Variants in FAM193B observed in about 807,000 individuals in gnomAD.
The protein encoded by FAM193B is protein FAM193B.
A neutral mutation model predicts 70.7 loss-of-function variants in FAM193B; 27 were observed. The ratio of observed to expected loss-of-function variants is 0.38; its 90% CI spans 0.28 to 0.53. FAM193B has a LOEUF of 0.53. FAM193B is among the 20% of genes least tolerant of loss of function. The pLI, the probability that FAM193B is intolerant of heterozygous loss-of-function variation, is 0.81. For synonymous variants in FAM193B, 448 were observed against 436.0 expected, an observed-to-expected ratio of 1.03 and a Z score of -0.34; for missense variants, 1,022 against 1,072.5, an observed-to-expected ratio of 0.95 and a Z score of 0.66.
intron 4 of FAM193B, among the ~76,000 whole-genome samples, chr5:177,534,870 G>A (rs984683450): frequency 5.3e-5 from 8 of 151,922 alleles, no homozygotes; most frequent in South Asian, 4.2e-4. Context: ...TTTCTGCCTC[G>A]GCCTCCCAAA....
chr5:177,526,388 G>C (rs1008143923), intron 5 of FAM193B, among the ~76,000 whole-genome samples: 2 of 152,178 alleles, frequency 1.3e-5, no homozygotes, highest in Non-Finnish European at 2.9e-5. Flanking sequence ...GTGGCCCTCA[G>C]GGAGCAGCTT....
At chr5:177,526,438 G>C (rs1437564626) in intron 5 of FAM193B, among the ~76,000 whole-genome samples, 1 of 152,014 alleles carries the variant, frequency 6.6e-6, no homozygotes, top group Non-Finnish European at 1.5e-5. Context: ...GCTGTGAGTA[G>C]GGCTCAGAGG....
At chr5:177,548,212 T>A (rs1047745558) in intron 1 of FAM193B, among the ~76,000 whole-genome samples, 1 of 152,228 alleles carries the variant, frequency 6.6e-6, no homozygotes, top group African/African-American at 2.4e-5. Context: ...AAAACGTATC[T>A]CTAGAATAGA....
intron 7 of FAM193B, 194 bp from the exon 8 acceptor site, chr5:177,522,265 T>G (rs1163069574): frequency 3.7e-6 from 2 of 547,338 alleles, no homozygotes; most frequent in East Asian, 6.4e-5. Context: ...CCCAGGGAAC[T>G]ATGTATGAAG....
intron 1 of FAM193B, chr5:177,553,744 T>C (rs1425055339): frequency 7.8e-7 from 1 of 1,287,750 alleles, no homozygotes; most frequent in Non-Finnish European, 1.0e-6. Flanking sequence ...ACTGCTCTGC[T>C]GGGTATGGCG....
Position 177,532,597 on chromosome 5 carries a change from G to T in FAM193B, c.1121C>A (p.Ala374Asp), listed in dbSNP as rs1763646534. ...CTCGCAGGGCTGGGGCAGCTGGCAA[G>T]CCAGGCCACTGTGTGCAAACTTGTG... The part of the protein sequence containing the change: ...KGHKFAHSGL[A>D]CQLPQPCEAD... Residue 374 changes from alanine to aspartate, a missense_variant, in exon 5 of 9, where the codon GCT becomes GAT. Coordinates refer to ENST00000514747, the MANE Select transcript of FAM193B (RefSeq NM_001190946.3). The surrounding 1 kb of genome is among the most constrained non-coding windows in gnomAD (Gnocchi z 4.9). The T allele has an allele frequency of 6.3e-7, 1 of 1,591,148 alleles. No individual in the cohort carries two copies. The highest frequency in any genetic ancestry group is 8.5e-7 in the Non-Finnish European group (1 of 1,172,756).
intron 1 of FAM193B, chr5:177,553,647 G>A (rs1178436426): frequency 1.6e-6 from 2 of 1,275,336 alleles, no homozygotes; most frequent in South Asian, 1.3e-5. Context: ...GAGCAGGGGA[G>A]GGAAGAAGGG....
At position 177,536,645 on chromosome 5, in the gene FAM193B, C is replaced by T. The variant is rs368534435; in HGVS notation, c.789G>A (p.Pro263=). 4.4e-5 allele frequency: 68 copies of T among 1,562,780 alleles called. No homozygotes were observed. The highest frequency in any genetic ancestry group is 3.6e-4 in the African/African-American group (26 of 72,720). Residue 263 remains proline, a synonymous_variant, in exon 4 of 9, where the codon CCG becomes CCA. Coordinates refer to ENST00000514747, the MANE Select transcript of FAM193B (RefSeq NM_001190946.3). Reference sequence around the variant, plus strand: ...GGGAGCCAAAGGAGCTGGGGTGAGACGGGATTAGAGATGCTGGCTGCGGGT... The same window carrying T: ...GGGAGCCAAAGGAGCTGGGGTGAGATGGGATTAGAGATGCTGGCTGCGGGT... ...GHHPQPASLI[P]SHPSSFGSPP...
At chr5:177,531,149 A>T in intron 5 of FAM193B, 2 of 985,710 alleles carry the variant, frequency 2.0e-6, no homozygotes, top group South Asian at 2.0e-5. Context: ...AAACTCATTC[A>T]GACCTTCCCA....
Position 177,525,049 on chromosome 5 carries a change from TCTC to T in FAM193B, c.1429_1431del (p.Glu477del). 1 of 1,589,580 alleles carries T rather than the reference TCTC, an allele frequency of 6.3e-7. No homozygotes were observed. The highest frequency in any genetic ancestry group is 1.1e-5 in the South Asian group (1 of 87,816). ...ATGGAGTCTTTGACAGTGTTTTTGA[TCTC>T]CTGCAGACGGCTGCTCAGGAAGCTG... On this transcript the variant is annotated inframe_deletion, in exon 6 of 9. Transcript: ENST00000514747.
At chr5:177,548,405 C>A (rs141521663) in intron 1 of FAM193B, among the ~76,000 whole-genome samples, 1 of 152,194 alleles carries the variant, frequency 6.6e-6, no homozygotes, top group Admixed American at 6.5e-5. Context: ...TGGAAGTTGG[C>A]AAATATCATT....
At chr5:177,542,838 C>T (rs892161267) in intron 1 of FAM193B, among the ~76,000 whole-genome samples, 11 of 152,220 alleles carry the variant, frequency 7.2e-5, no homozygotes, top group Non-Finnish European at 1.3e-4. Flanking sequence ...ATCCCTTCTA[C>T]AAGAGGCAGG....
chr5:177,548,432 G>A (rs1392990460), intron 1 of FAM193B, among the ~76,000 whole-genome samples: 1 of 152,160 alleles, frequency 6.6e-6, no homozygotes, highest in Non-Finnish European at 1.5e-5. Flanking sequence ...TCAGAACTGG[G>A]GGAAGGTTTT....
chr5:177,553,663 T>C (rs1321582056), intron 1 of FAM193B: 1 of 1,282,800 alleles, frequency 7.8e-7, no homozygotes, highest in Admixed American at 2.3e-5. Flanking sequence ...AAGGGCAGGT[T>C]CTGCTGGGTT....
intron 8 of FAM193B, among the ~76,000 whole-genome samples, 168 bp from the exon 9 acceptor site, chr5:177,520,349 T>G (rs954599749): frequency 3.9e-5 from 6 of 152,218 alleles, no homozygotes; most frequent in Non-Finnish European, 4.4e-5. Context: ...TAGCAGAGGA[T>G]GCAGGTTAAC....
intron 1 of FAM193B, chr5:177,547,037 T>C (rs1765515223): frequency 6.6e-6 from 1 of 152,204 alleles, no homozygotes; most frequent in African/African-American, 2.4e-5. Context: ...CAAATCCCAG[T>C]TGCCATTTTC....
rs1468528308 is a variant in FAM193B, at chr5:177,554,494, GCCGCCGCCGCCGCCGCCGCCGC to G, written c.-58_-37del. ...GCGCCGCTCCCTCGCTCCACACGCC[GCCGCCGCCGCCGCCGCCGCCGC>G]CGCCGCCGCCGCCGCTACCGCTCCC... On this transcript the variant is annotated 5_prime_UTR_variant, in exon 1 of 9. Transcript: ENST00000514747. 148 of 703,582 alleles carry G rather than the reference GCCGCCGCCGCCGCCGCCGCCGC, an allele frequency of 2.1e-4. 2 individuals are homozygous for G. The highest frequency in any genetic ancestry group is 9.9e-4 in the East Asian group (8 of 8,114). 43.6% of individuals were successfully genotyped at this position (703,582 alleles called of 1,614,324 possible).
At chr5:177,527,038 A>G (rs1286036714) in intron 5 of FAM193B, among the ~76,000 whole-genome samples, 1 of 152,194 alleles carries the variant, frequency 6.6e-6, no homozygotes, top group East Asian at 1.9e-4. Context: ...TGCTCCCAAC[A>G]CAGACTGGTT....
At chr5:177,540,306 C>CAAAAAA (rs71585639) in intron 1 of FAM193B, among the ~76,000 whole-genome samples, 2 of 102,472 alleles carry the variant, frequency 2.0e-5, no homozygotes, top group African/African-American at 3.7e-5. Flanking sequence ...GACTCCGTCT[C>CAAAAAA]AAAAAAAAAA....
Sources: allele counts gnomAD v4.1 joint callset (sites outside exome capture counted in the v4.1 genomes callset), GRCh38; gene constraint gnomAD v4.1.1; non-coding constraint Gnocchi (gnomAD v3.1); transcripts MANE v1.5; gene names NCBI Gene and HGNC (gene_info 2026-07-23, HGNC 2026-07-21).